PCLO: variants seen among roughly 807,000 people sequenced by gnomAD.
The protein encoded by PCLO is protein piccolo.
In PCLO, 82 loss-of-function variants were observed where a neutral mutation model predicts 427.5. The observed-to-expected ratio is 0.19, with a 90% CI of 0.16 to 0.23. PCLO has a LOEUF of 0.23. PCLO is among the 10% of genes least tolerant of loss of function. The pLI, the probability that PCLO is intolerant of heterozygous loss-of-function variation, is 1.00. For synonymous variants in PCLO, 2,357 were observed against 2,155.4 expected, an observed-to-expected ratio of 1.09 and a Z score of -2.59; for missense variants, 6,239 against 6,115.9, an observed-to-expected ratio of 1.02 and a Z score of -0.67.
intron 8 of PCLO, among the ~76,000 whole-genome samples, chr7:82,904,202 T>G (rs1584127616): frequency 6.6e-6 from 1 of 152,090 alleles, no homozygotes; most frequent in African/African-American, 2.4e-5. Context: ...ACCTTATTCA[T>G]ATTTGTAACA....
intron 6 of PCLO, among the ~76,000 whole-genome samples, chr7:82,925,561 A>C (rs1794692994): frequency 6.6e-6 from 1 of 152,028 alleles, no homozygotes; most frequent in Non-Finnish European, 1.5e-5. Context: ...AGAAATATTC[A>C]GCAGTCTATC....
At chr7:82,773,569 A>C (rs1367759608) in intron 22 of PCLO, among the ~76,000 whole-genome samples, 2 of 152,176 alleles carry the variant, frequency 1.3e-5, no homozygotes, top group Non-Finnish European at 2.9e-5. Context: ...CAGAAGCAAC[A>C]TAAAGGAATA....
chr7:82,808,343 T>C (rs949717299), intron 20 of PCLO, among the ~76,000 whole-genome samples: 3 of 151,900 alleles, frequency 2.0e-5, no homozygotes, highest in African/African-American at 7.2e-5. Context: ...TGATTTATTA[T>C]CTATGTTTCA....
intron 3 of PCLO, among the ~76,000 whole-genome samples, chr7:83,067,993 TATA>T (rs1247341569): frequency 1.3e-5 from 2 of 152,230 alleles, no homozygotes; most frequent in South Asian, 2.1e-4. Flanking sequence ...AAGCGGGTAA[TATA>T]ATAAGAAGCA....
chr7:82,908,134 A>C (rs757400600), intron 8 of PCLO, among the ~76,000 whole-genome samples: 1 of 152,060 alleles, frequency 6.6e-6, no homozygotes, highest in Admixed American at 6.6e-5. Flanking sequence ...AAGGCAATTG[A>C]TTAAAGGCCA....
chr7:82,777,533 A>AT (rs1160203856), intron 22 of PCLO, among the ~76,000 whole-genome samples: 2 of 152,206 alleles, frequency 1.3e-5, no homozygotes, highest in Non-Finnish European at 2.9e-5. Flanking sequence ...CCAAAACAGC[A>AT]TGGCACTGGT....
At position 82,908,918 on chromosome 7, in the gene PCLO, T is replaced by C. The variant is rs746533731; in HGVS notation, c.13396A>G (p.Arg4466Gly). 1 of 1,612,828 alleles carries C rather than the reference T, an allele frequency of 6.2e-7. No homozygotes were observed. Among genetic ancestry groups the C allele is most frequent in the African/African-American group, 1.3e-5 (1 of 74,866 alleles). Residue 4466 changes from arginine (R) to glycine (G), a missense_variant, in exon 8 of 25, where the codon AGA becomes GGA. Coordinates refer to ENST00000333891, the MANE Select transcript of PCLO (RefSeq NM_033026.6). ...GHGLDRKLPE[R>G]LVHSRPLSQH... ...CTGAGTGGTCTAGAGTGGACCAATC[T>C]TTCCGGCAGTTTTCGGTCCAGACCA...
At chr7:83,041,578 A>G (rs1788974236) in intron 3 of PCLO, among the ~76,000 whole-genome samples, 1 of 152,150 alleles carries the variant, frequency 6.6e-6, no homozygotes, top group Admixed American at 6.6e-5. Flanking sequence ...CATTTAAAGA[A>G]ATCTAGCAAT....
chr7:82,856,814 T>C (rs970207127), intron 10 of PCLO, among the ~76,000 whole-genome samples: 1 of 152,144 alleles, frequency 6.6e-6, no homozygotes, highest in African/African-American at 2.4e-5. Flanking sequence ...CAAAAACTCA[T>C]GTTGCAATTT....
rs369322736 is a variant in PCLO, at chr7:82,951,818, A to G, written c.9097+38T>C. 3.2e-6 allele frequency: 5 copies of G among 1,571,766 alleles called. No individual in the cohort carries two copies. The African/African-American group carries it at 5.4e-5, about 17-fold the overall frequency. ...AAATGAGATGAGGAACACCATAATG[A>G]TATTTCAAGGAAAGGTCTGCTGCCA... On this transcript the variant is annotated intron_variant, in intron 5 of 24. Coordinates refer to ENST00000333891, the MANE Select transcript of PCLO (RefSeq NM_033026.6).
chr7:83,131,239 T>C (rs1269662640), intron 3 of PCLO, among the ~76,000 whole-genome samples: 1 of 152,212 alleles, frequency 6.6e-6, no homozygotes. Context: ...CGGATCATAT[T>C]GCCATTTATA....
intron 3 of PCLO, among the ~76,000 whole-genome samples, chr7:83,021,038 A>G (rs1230897459): frequency 1.3e-5 from 2 of 152,170 alleles, no homozygotes; most frequent in Non-Finnish European, 2.9e-5. Flanking sequence ...GAAACTACTG[A>G]TATCAGCTGT....
intron 22 of PCLO, among the ~76,000 whole-genome samples, chr7:82,762,466 T>C (rs1269653110): frequency 6.6e-6 from 1 of 152,050 alleles, no homozygotes. Flanking sequence ...TCTTTAAACA[T>C]GGCTGTAGAT....
intron 1 of PCLO, among the ~76,000 whole-genome samples, chr7:83,158,153 A>T (rs1422595190): frequency 6.6e-6 from 1 of 152,062 alleles, no homozygotes; most frequent in Non-Finnish European, 1.5e-5. Context: ...TGAATTTTTG[A>T]AATTTCCTCC....
intron 20 of PCLO, among the ~76,000 whole-genome samples, chr7:82,812,143 C>A (rs180945640): frequency 6.6e-6 from 1 of 151,564 alleles, no homozygotes; most frequent in African/African-American, 2.4e-5. Context: ...TCACAGTTTT[C>A]TCTCTCCATG....
intron 10 of PCLO, among the ~76,000 whole-genome samples, chr7:82,849,551 C>T (rs766169272): frequency 6.6e-6 from 1 of 152,108 alleles, no homozygotes; most frequent in Admixed American, 6.6e-5. Context: ...TATCTTCCTA[C>T]AAATTCTATG....
intron 22 of PCLO, among the ~76,000 whole-genome samples, chr7:82,781,660 G>A (rs1373269390): frequency 6.6e-6 from 1 of 152,070 alleles, no homozygotes; most frequent in Non-Finnish European, 1.5e-5. Flanking sequence ...GGCTTCAGGG[G>A]CAGGCCTCAG....
intron 3 of PCLO, among the ~76,000 whole-genome samples, chr7:83,050,227 A>AAAAAAAAAAAAAAAAAAAAAAAAAAAC (rs71074611): frequency 1.2e-5 from 1 of 85,650 alleles, no homozygotes; most frequent in Non-Finnish European, 2.7e-5. Context: ...AAAAAAAAAA[A>AAAAAAAAAAAAAAAAAAAAAAAAAAAC]AAAAAAAAAA....
chr7:82,861,569 A>G (rs893807555), intron 10 of PCLO, among the ~76,000 whole-genome samples: 2 of 151,848 alleles, frequency 1.3e-5, no homozygotes, highest in Non-Finnish European at 3.0e-5. Flanking sequence ...TCAAAACCCC[A>G]TTTTCAGCAG....
Sources: gnomAD v4.1 joint callset for allele counts (sites outside exome capture counted in the v4.1 genomes callset) on GRCh38, gnomAD v4.1.1 for gene constraint, MANE v1.5 for transcripts, NCBI Gene and HGNC (gene_info 2026-07-23, HGNC 2026-07-21) for gene names.